PRKAR2A: variants seen among roughly 807,000 people sequenced by gnomAD.
The protein encoded by PRKAR2A is protein kinase cAMP-dependent type II regulatory subunit alpha.
PRKAR2A carries 29 observed loss-of-function variants against 51.9 expected under a neutral mutation model. That is an observed-to-expected ratio of 0.56 (90% CI 0.42 to 0.76). The LOEUF (loss-of-function observed/expected upper bound fraction) is 0.76, where lower values mean the gene tolerates loss of function less well. Ranked by LOEUF, PRKAR2A falls within the 30% of genes least tolerant of loss-of-function variation. The pLI, the probability that PRKAR2A is intolerant of heterozygous loss-of-function variation, is 0.00. For synonymous variants in PRKAR2A, 178 were observed against 186.2 expected (o/e 0.96, Z 0.36); for missense variants, 445 against 512.1 (o/e 0.87, Z 1.26).
downstream of PRKAR2A, chr3:48,744,683 C>T (rs548861773): frequency 6.6e-6 from 1 of 152,144 alleles, no homozygotes; most frequent in Non-Finnish European, 1.5e-5. Flanking sequence ...TCATATGCTC[C>T]CACAGTTGGC....
intron 2 of PRKAR2A, among the ~76,000 whole-genome samples, chr3:48,795,401 G>A (rs1188983485): frequency 6.6e-6 from 1 of 152,036 alleles, no homozygotes; most frequent in Non-Finnish European, 1.5e-5. Context: ...CCCATATATC[G>A]GGGTGATAAC....
chr3:48,785,507 G>A (rs925463871), intron 4 of PRKAR2A, among the ~76,000 whole-genome samples: 6 of 151,998 alleles, frequency 3.9e-5, no homozygotes, highest in African/African-American at 4.8e-5. Context: ...TAATCCGCCC[G>A]CCTTGGCCTC....
chr3:48,797,250 A>G (rs912407953), intron 2 of PRKAR2A, among the ~76,000 whole-genome samples: 1 of 151,540 alleles, frequency 6.6e-6, no homozygotes, highest in Non-Finnish European at 1.5e-5. Flanking sequence ...CTCACTGCAA[A>G]CTCTGCCTCC....
chr3:48,780,951 T>C (rs890354705), intron 5 of PRKAR2A, among the ~76,000 whole-genome samples: 2 of 152,102 alleles, frequency 1.3e-5, no homozygotes, highest in African/African-American at 4.8e-5. Flanking sequence ...GGGCATTATA[T>C]GTGCAACTTA....
At chr3:48,838,176 CA>C (rs1017674609) in intron 1 of PRKAR2A, among the ~76,000 whole-genome samples, 5 of 145,230 alleles carry the variant, frequency 3.4e-5, no homozygotes, top group Admixed American at 1.4e-4. Context: ...AGACTCCGCT[CA>C]AAAAAAAACA....
At chr3:48,840,374 A>G (rs971424600) in intron 1 of PRKAR2A, among the ~76,000 whole-genome samples, 4 of 151,704 alleles carry the variant, frequency 2.6e-5, no homozygotes, top group African/African-American at 9.7e-5. Context: ...ACACGCCTGT[A>G]ATCCCAGCTA....
At chr3:48,766,224 A>ACAT (rs1431757183) in intron 6 of PRKAR2A, among the ~76,000 whole-genome samples, 4 of 151,912 alleles carry the variant, frequency 2.6e-5, no homozygotes, top group African/African-American at 9.7e-5. Context: ...CCCAAAAACA[A>ACAT]CAATATCAAC....
chr3:48,821,948 C>A (rs1267657056), intron 1 of PRKAR2A, among the ~76,000 whole-genome samples: 4 of 149,420 alleles, frequency 2.7e-5, no homozygotes, highest in Non-Finnish European at 5.9e-5. Flanking sequence ...AAAACAGGGC[C>A]AGGCGCAGTG....
intron 9 of PRKAR2A, among the ~76,000 whole-genome samples, chr3:48,756,026 C>T (rs1051934481): frequency 5.3e-5 from 8 of 151,874 alleles, no homozygotes; most frequent in Non-Finnish European, 8.8e-5. Context: ...GTGATCCGCC[C>T]GCCTTGCCCT....
intron 1 of PRKAR2A, among the ~76,000 whole-genome samples, chr3:48,825,925 T>C (rs145649938): frequency 5.3e-4 from 80 of 152,288 alleles, no homozygotes; most frequent in Non-Finnish European, 1.1e-3. Context: ...TTACTTCAGA[T>C]GGTAGTTATA....
chr3:48,785,510 T>C (rs571959193), intron 4 of PRKAR2A, among the ~76,000 whole-genome samples: 2 of 152,266 alleles, frequency 1.3e-5, no homozygotes, highest in African/African-American at 4.8e-5. Context: ...TCCGCCCGCC[T>C]TGGCCTCCCA....
chr3:48,765,112 A>C, intron 7 of PRKAR2A, 34 bp from the exon 8 acceptor site: 1 of 1,601,296 alleles, frequency 6.2e-7, no homozygotes, highest in Non-Finnish European at 8.6e-7. Context: ...AAAGGAAAAG[A>C]CCTTAATTGA....
chr3:48,829,657 C>A (rs1198244201), intron 1 of PRKAR2A, among the ~76,000 whole-genome samples: 5 of 135,746 alleles, frequency 3.7e-5, no homozygotes, highest in African/African-American at 1.4e-4. Context: ...TGTGTGTATA[C>A]GTGTGTATAC....
intron 1 of PRKAR2A, among the ~76,000 whole-genome samples, chr3:48,841,919 C>T (rs1189497793): frequency 2.0e-5 from 3 of 152,036 alleles, no homozygotes; most frequent in Non-Finnish European, 2.9e-5. Flanking sequence ...TTTAAGTCAA[C>T]TCAATTTTGA....
At chr3:48,794,920 T>G (rs2082465532) in intron 2 of PRKAR2A, among the ~76,000 whole-genome samples, 1 of 151,920 alleles carries the variant, frequency 6.6e-6, no homozygotes, top group Non-Finnish European at 1.5e-5. Flanking sequence ...TATTTTCTAG[T>G]GTATAGAAAG....
Position 48,847,733 on chromosome 3 carries a change from G to A in PRKAR2A, c.-137C>T. ...CCGGCTCACGTCGCGCCGCTCTTTG[G>A]CCGGCTCTGCGTTTCCGGGCCGCGC... On this transcript the variant is annotated 5_prime_UTR_variant, in exon 1 of 11. Transcript: ENST00000265563. The surrounding 1 kb of genome is among the most constrained non-coding windows in gnomAD (Gnocchi z 4.4). The A allele has an allele frequency of 2.2e-6, 2 of 916,994 alleles. No homozygotes were observed. Among genetic ancestry groups the A allele is most frequent in the Non-Finnish European group, 3.0e-6 (2 of 671,200 alleles). 56.8% of individuals were successfully genotyped at this position (916,994 alleles called of 1,614,324 possible).
intron 1 of PRKAR2A, among the ~76,000 whole-genome samples, chr3:48,835,836 A>G (rs2083275218): frequency 6.6e-6 from 1 of 152,104 alleles, no homozygotes; most frequent in Admixed American, 6.6e-5. Flanking sequence ...ATTCTAAAAA[A>G]AGAATGAACT....
At chr3:48,794,694 C>CA (rs1231421607) in intron 2 of PRKAR2A, among the ~76,000 whole-genome samples, 3 of 149,214 alleles carry the variant, frequency 2.0e-5, no homozygotes, top group South Asian at 2.1e-4. Flanking sequence ...GACTCCGTCT[C>CA]AAAAAAAATG....
chr3:48,760,214 G>A lies in PRKAR2A; in HGVS notation c.874-3770C>T, dbSNP rs181428174. Among the ~76,000 whole-genome samples the A allele has an allele frequency of 2.2e-3, 337 of 152,108 alleles. 2 individuals are homozygous for A. Among genetic ancestry groups the A allele is most frequent in the African/African-American group, 6.6e-3 (273 of 41,518 alleles). On this transcript the variant is annotated intron_variant, in intron 8 of 10. Coordinates refer to ENST00000265563, the MANE Select transcript of PRKAR2A (RefSeq NM_004157.4). ...TACTAAAAATAAAAAAAAATTAGCCGGGCATGGTGATGCATGCCTGTAGTT... is the reference window on the plus strand; with the variant it reads ...TACTAAAAATAAAAAAAAATTAGCCAGGCATGGTGATGCATGCCTGTAGTT...
Sources: allele counts gnomAD v4.1 joint callset (sites outside exome capture counted in the v4.1 genomes callset), GRCh38; gene constraint gnomAD v4.1.1; non-coding constraint Gnocchi (gnomAD v3.1); transcripts MANE v1.5; gene names NCBI Gene and HGNC (gene_info 2026-07-23, HGNC 2026-07-21).